USP32: variants seen among roughly 807,000 people sequenced by gnomAD.
The protein encoded by USP32 is ubiquitin carboxyl-terminal hydrolase 32.
Under a neutral mutation model 204.8 loss-of-function variants are expected in USP32, and 59 were observed. That is an observed-to-expected ratio of 0.29 (90% confidence interval 0.23 to 0.36). The LOEUF (loss-of-function observed/expected upper bound fraction) is 0.36. Ranked by LOEUF, USP32 falls within the 10% of genes least tolerant of loss-of-function variation. USP32 has a pLI of 1.00. For synonymous variants in USP32, 517 were observed against 678.4 expected (o/e 0.76, Z 3.70); for missense variants, 1,160 against 1,946.4 (o/e 0.60, Z 7.60).
intron 1 of USP32, among the ~76,000 whole-genome samples, chr17:60,355,886 GTA>G (rs2089063062): frequency 1.9e-5 from 1 of 53,422 alleles, no homozygotes; most frequent in African/African-American, 1.1e-4. Context: ...CTGAACCTCT[GTA>G]AAAAAAAAAA....
At position 60,379,798 on chromosome 17, in the gene USP32, T is replaced by A. The variant is rs1354946284; in HGVS notation, c.58+12084A>T. On this transcript the variant is annotated intron_variant, in intron 1 of 33. Coordinates refer to ENST00000300896, the MANE Select transcript of USP32 (RefSeq NM_032582.4). ...GCTTAACAGAAAACTAAATAAGAAA[T>A]AACTATTGATTTTTAAATAGCAACA... Among the ~76,000 whole-genome samples the A allele has an allele frequency of 2.0e-5, 3 of 152,246 alleles. No homozygotes were observed. The East Asian group carries it at 5.8e-4, about 29-fold the overall frequency.
intron 26 of USP32, among the ~76,000 whole-genome samples, chr17:60,204,530 G>A (rs987664656): frequency 2.7e-5 from 4 of 149,822 alleles, no homozygotes; most frequent in Middle Eastern, 3.2e-3. Flanking sequence ...GTGCTGTGGC[G>A]CAATCTTCGC....
chr17:60,346,673 T>C (rs1320181191), intron 1 of USP32, among the ~76,000 whole-genome samples: 1 of 152,206 alleles, frequency 6.6e-6, no homozygotes, highest in Non-Finnish European at 1.5e-5. Flanking sequence ...CCTTTACTAT[T>C]ACATGATCAG....
chr17:60,293,622 T>C (rs1172102829), intron 4 of USP32, among the ~76,000 whole-genome samples: 1 of 152,144 alleles, frequency 6.6e-6, no homozygotes, highest in Non-Finnish European at 1.5e-5. Context: ...GAAAGAGATA[T>C]CACCAGGTGC....
At chr17:60,362,505 G>A (rs1236024765) in intron 1 of USP32, among the ~76,000 whole-genome samples, 1 of 152,160 alleles carries the variant, frequency 6.6e-6, no homozygotes, top group African/African-American at 2.4e-5. Context: ...CACAAGAACA[G>A]AACATAAATT....
At chr17:60,377,994 T>C (rs1038535494) in intron 1 of USP32, among the ~76,000 whole-genome samples, 5 of 152,172 alleles carry the variant, frequency 3.3e-5, no homozygotes, top group African/African-American at 1.2e-4. Context: ...TATTAATATA[T>C]CTGTAACCCA....
intron 2 of USP32, among the ~76,000 whole-genome samples, chr17:60,334,563 G>A (rs534793470): frequency 6.7e-4 from 100 of 148,612 alleles, no homozygotes; most frequent in African/African-American, 2.5e-3. Flanking sequence ...GTGGTTGCAG[G>A]CGCCTGTAGT....
chr17:60,321,465 GA>G (rs2088109994), intron 2 of USP32, among the ~76,000 whole-genome samples: 4 of 152,174 alleles, frequency 2.6e-5, no homozygotes, highest in Admixed American at 2.6e-4. Context: ...CAAATGTCCA[GA>G]ATATAATCTG....
At chr17:60,195,708 G>A (rs951024814) in intron 27 of USP32, among the ~76,000 whole-genome samples, 52 of 152,164 alleles carry the variant, frequency 3.4e-4, no homozygotes, top group African/African-American at 1.2e-3. Flanking sequence ...ACTCAGTTCA[G>A]AGTTCATGTA....
At chr17:60,285,057 A>C (rs2087075963) in intron 5 of USP32, among the ~76,000 whole-genome samples, 1 of 152,226 alleles carries the variant, frequency 6.6e-6, no homozygotes, top group African/African-American at 2.4e-5. Context: ...TCTTCCTCAC[A>C]GTTTTAACAA....
Position 60,401,828 on chromosome 17 carries a change from AGAT to A in USP32, c.106+20415_106+20417del, listed in dbSNP as rs538986158. On this transcript the variant is annotated intron_variant, in intron 1 of 3. Transcript: ENST00000588898. Reference sequence around the variant, plus strand: ...GGCCCAAACTTTTGTGCACATTTGTAGATAATATTAACAAACAAATCAATTCAT... The same window carrying A: ...GGCCCAAACTTTTGTGCACATTTGTAAATATTAACAAACAAATCAATTCAT... 4.6e-5 allele frequency among the ~76,000 whole-genome samples: 7 copies of A among 152,324 alleles called. No homozygotes were observed. In the East Asian group the frequency reaches 1.2e-3, roughly 25 times the overall value.
rs577693042 is a variant in USP32, at chr17:60,185,999, A to G, written c.3643-348T>C. Reference sequence around the variant, plus strand: ...GCCTGGGAGGTAGAGGTTGCAGTGAACTGTGATTACACCACTGCGCTCCAG... The same window carrying G: ...GCCTGGGAGGTAGAGGTTGCAGTGAGCTGTGATTACACCACTGCGCTCCAG... On this transcript the variant is annotated intron_variant, in intron 29 of 33. Coordinates refer to ENST00000300896, the MANE Select transcript of USP32 (RefSeq NM_032582.4). 304 of 185,556 alleles carry G rather than the reference A, an allele frequency of 1.6e-3. 1 individual carries two copies. Among genetic ancestry groups the G allele is most frequent in the Non-Finnish European group, 2.6e-3 (228 of 87,964 alleles). 11.5% of individuals were successfully genotyped at this position (185,556 alleles called of 1,614,324 possible).
At chr17:60,292,872 C>T (rs1339219109) in intron 4 of USP32, among the ~76,000 whole-genome samples, 1 of 152,180 alleles carries the variant, frequency 6.6e-6, no homozygotes, top group Non-Finnish European at 1.5e-5. Context: ...AAAGGACTCA[C>T]GCTGTCCTAT....
chr17:60,229,970 C>T (rs535942590), intron 12 of USP32, among the ~76,000 whole-genome samples: 7 of 152,176 alleles, frequency 4.6e-5, no homozygotes, highest in South Asian at 2.1e-4. Flanking sequence ...CGCACCACTG[C>T]GCCTGGCTAA....
chr17:60,186,980 C>T (rs928375620), intron 29 of USP32, among the ~76,000 whole-genome samples: 1 of 152,062 alleles, frequency 6.6e-6, no homozygotes, highest in African/African-American at 2.4e-5. Flanking sequence ...AAGCAGAGCC[C>T]AGACCACAAG....
chr17:60,380,886 CTG>C (rs749075669), intron 1 of USP32, among the ~76,000 whole-genome samples: 9 of 152,108 alleles, frequency 5.9e-5, no homozygotes, highest in African/African-American at 1.4e-4. Context: ...GCATATAAGG[CTG>C]TGTTTCATTT....
intron 2 of USP32, among the ~76,000 whole-genome samples, chr17:60,302,833 G>C (rs980745136): frequency 1.3e-5 from 2 of 152,100 alleles, no homozygotes; most frequent in Non-Finnish European, 2.9e-5. Flanking sequence ...TCAGAAATAA[G>C]TATTATAGTA....
intron 28 of USP32, among the ~76,000 whole-genome samples, chr17:60,191,822 G>T (rs1487325420): frequency 6.6e-6 from 1 of 152,006 alleles, no homozygotes; most frequent in African/African-American, 2.4e-5. Context: ...GCCTACTTTA[G>T]ACTCAGTTTG....
At chr17:60,237,301 C>T (rs1243076933) in intron 11 of USP32, among the ~76,000 whole-genome samples, 1 of 139,210 alleles carries the variant, frequency 7.2e-6, no homozygotes, top group African/African-American at 3.2e-5. Context: ...CTATGCCCAG[C>T]TAATTTTTTT....
Sources: allele counts gnomAD v4.1 joint callset (sites outside exome capture counted in the v4.1 genomes callset), GRCh38; gene constraint gnomAD v4.1.1; transcripts MANE v1.5; gene names NCBI Gene and HGNC (gene_info 2026-07-23, HGNC 2026-07-21).